The following ITSN2 variants were observed in gnomAD, a reference collection of about 807,000 sequenced individuals.
The protein encoded by ITSN2 is intersectin 2, also known as intersectin-2.
ITSN2 carries 156 observed loss-of-function variants against 243.7 expected under a neutral mutation model. That is an observed-to-expected ratio of 0.64 (90% CI 0.56 to 0.73). ITSN2 has a LOEUF of 0.73. ITSN2 is among the 30% of genes least tolerant of loss of function. The probability of loss-of-function intolerance (pLI) is 0.00; values close to 1 mark genes in which losing one functional copy is unlikely to be tolerated. For missense variants in ITSN2, 1,801 were observed against 1,996.1 expected, an observed-to-expected ratio of 0.90 and a Z score of 1.86; for synonymous variants, 703 against 699.9, an observed-to-expected ratio of 1.00 and a Z score of -0.07.
At chr2:24,298,892 A>C (rs1007679773) in intron 12 of ITSN2, 78 bp from the exon 13 acceptor site, 2 of 1,386,642 alleles carry the variant, frequency 1.4e-6, no homozygotes, top group African/African-American at 2.9e-5. Flanking sequence ...GACAACAATA[A>C]AAGTCAGGCA....
intron 20 of ITSN2, among the ~76,000 whole-genome samples, chr2:24,263,420 A>G (rs189262185): frequency 1.5e-3 from 221 of 152,280 alleles, no homozygotes; most frequent in Admixed American, 2.7e-3. Context: ...CTGCTTTCTC[A>G]GATATCATTA....
At chr2:24,268,079 C>T (rs2151437617) in intron 20 of ITSN2, among the ~76,000 whole-genome samples, 1 of 152,206 alleles carries the variant, frequency 6.6e-6, no homozygotes, top group African/African-American at 2.4e-5. Context: ...TCTCACAGGC[C>T]TAGCAAAACT....
In ITSN2 at chr2:24,261,650, C is replaced by T; in HGVS notation, c.2448G>A (p.Met816Ile). ...GWFPCNYVEK[M>I]PSSENEKAVS... Reference sequence around the variant, plus strand: ...CAGCTTTTTCATTTTCACTTGATGGCATTTTTTCTACATAATTGCATGGAA... The same window carrying T: ...CAGCTTTTTCATTTTCACTTGATGGTATTTTTTCTACATAATTGCATGGAA... Residue 816 changes from methionine (M) to isoleucine (I), a missense_variant, in exon 21 of 40, where the codon ATG becomes ATA. Met to Ile is a conservative substitution (Grantham distance 10, BLOSUM62 1). This residue lies in a region of ITSN2 where 928 missense variants were observed against 1,065.4 expected (regional missense o/e 0.87). Coordinates refer to ENST00000355123, the MANE Select transcript of ITSN2 (RefSeq NM_006277.3). The T allele has an allele frequency of 6.2e-7, 1 of 1,613,208 alleles. No homozygotes were observed. The highest frequency in any genetic ancestry group is 1.7e-4 in the Middle Eastern group (1 of 6,056).
intron 13 of ITSN2, among the ~76,000 whole-genome samples, chr2:24,296,196 C>T (rs748311875): frequency 6.6e-6 from 1 of 151,466 alleles, no homozygotes; most frequent in Non-Finnish European, 1.5e-5. Flanking sequence ...TATTTCTACC[C>T]TAAATATGGC....
intron 29 of ITSN2, among the ~76,000 whole-genome samples, chr2:24,222,735 C>T (rs1260773651): frequency 4.5e-5 from 6 of 132,052 alleles, no homozygotes; most frequent in Middle Eastern, 5.1e-3. Context: ...AGTGCAATGG[C>T]GCAAATCTCG....
At position 24,310,601 on chromosome 2, in the gene ITSN2, G is replaced by A; in HGVS notation, c.444C>T (p.Asn148=). 1.2e-6 allele frequency: 2 copies of A among 1,614,114 alleles called. No homozygotes were observed. Among genetic ancestry groups the A allele is most frequent in the Non-Finnish European group, 1.7e-6 (2 of 1,179,982 alleles). The change falls in exon 6 of 40, where the codon AAC becomes AAT. Residue 148 remains asparagine, a synonymous_variant. Transcript: ENST00000355123. The part of the protein sequence containing the change: ...TSLSSATSGT[N]LPPLMMPTPL... Reference sequence around the variant, plus strand: ...GAGTGGGCATCATTAAGGGAGGAAGGTTGGTCCCTGAAGTCGCAGAAGACA... The same window carrying A: ...GAGTGGGCATCATTAAGGGAGGAAGATTGGTCCCTGAAGTCGCAGAAGACA...
At position 24,225,916 on chromosome 2, in the gene ITSN2, C is replaced by G. The variant is rs1670987062; in HGVS notation, c.3578-4850G>C. 6.6e-6 allele frequency among the ~76,000 whole-genome samples: 1 copy of G among 152,064 alleles called. No homozygotes were observed. Among genetic ancestry groups the G allele is most frequent in the Non-Finnish European group, 1.5e-5 (1 of 68,024 alleles). On this transcript the variant is annotated intron_variant, in intron 29 of 39. Transcript: ENST00000355123. This position sits in a 1 kb window ranked among gnomAD's most constrained non-coding sequence, Gnocchi z 4.2. ...TTCGGGTTTTATGGATAGGATACAC[C>G]CCTTTGCCACTCTCTATACCTGCAT... is the stretch of plus-strand genomic sequence containing the variant.
intron 2 of ITSN2, among the ~76,000 whole-genome samples, chr2:24,323,465 A>G (rs751308062): frequency 5.9e-5 from 9 of 152,224 alleles, no homozygotes; most frequent in Non-Finnish European, 1.0e-4. Context: ...AAGTCACAGA[A>G]GCCAGACACC....
At chr2:24,287,762 A>G (rs578146228) in intron 15 of ITSN2, among the ~76,000 whole-genome samples, 1 of 152,142 alleles carries the variant, frequency 6.6e-6, no homozygotes, top group Non-Finnish European at 1.5e-5. Context: ...TTATATTTCA[A>G]TGTGGTTTAG....
chr2:24,302,722 G>C (rs1407872293), intron 9 of ITSN2, among the ~76,000 whole-genome samples: 1 of 152,106 alleles, frequency 6.6e-6, no homozygotes, highest in Non-Finnish European at 1.5e-5. Flanking sequence ...TGAGAAAGTG[G>C]CTTGTCTTAC....
At chr2:24,315,032 C>G (rs534378881) in intron 3 of ITSN2, 100 bp downstream of exon 3, 2 of 491,044 alleles carry the variant, frequency 4.1e-6, no homozygotes, top group Non-Finnish European at 3.7e-6. Flanking sequence ...TGAATTTTAT[C>G]GTTTATTAAC....
At chr2:24,335,875 T>A (rs1163935726) in intron 1 of ITSN2, among the ~76,000 whole-genome samples, 1 of 151,684 alleles carries the variant, frequency 6.6e-6, no homozygotes, top group Non-Finnish European at 1.5e-5. Flanking sequence ...TGACCTCAGG[T>A]GATCTGCCCG....
Position 24,271,812 on chromosome 2 carries a change from C to G in ITSN2, c.2211G>C (p.Glu737Asp). Residue 737 changes from glutamate (E) to aspartate (D), a missense_variant, in exon 19 of 40, where the codon GAG (glutamate) becomes GAC (aspartate). Glu to Asp is a conservative substitution (Grantham distance 45). This residue lies in a region of ITSN2 where 787 missense variants were observed against 803.9 expected (regional missense o/e 0.98). Transcript: ENST00000355123. ...AAGTATCCTTATCCTTACGTTGTTT[C>G]TCCTCAGCTTTCCGTTCCTCTTCTT... ...KIQEEERKAE[E>D]KQRKDKDTLK... 1 of 1,607,194 alleles carries G rather than the reference C, an allele frequency of 6.2e-7. No homozygotes were observed. Among genetic ancestry groups the G allele is most frequent in the South Asian group, 1.1e-5 (1 of 88,522 alleles).
intron 29 of ITSN2, among the ~76,000 whole-genome samples, chr2:24,227,163 G>C (rs1671108461): frequency 6.6e-6 from 1 of 151,922 alleles, no homozygotes; most frequent in African/African-American, 2.4e-5. Context: ...TTGGTCACTA[G>C]CTGGTGATAC....
chr2:24,258,155 G>A, intron 22 of ITSN2, 62 bp from the exon 23 acceptor site: 2 of 1,230,350 alleles, frequency 1.6e-6, no homozygotes, highest in Non-Finnish European at 2.4e-6. Flanking sequence ...TTCTGTTTCT[G>A]TGTATATAAC....
intron 2 of ITSN2, among the ~76,000 whole-genome samples, chr2:24,324,138 A>G (rs918069045): frequency 6.6e-6 from 1 of 152,210 alleles, no homozygotes. Flanking sequence ...AGGCTGAGGC[A>G]GGAGAACGGC....
intron 2 of ITSN2, among the ~76,000 whole-genome samples, chr2:24,320,748 A>C (rs1037748409): frequency 6.6e-6 from 1 of 151,696 alleles, no homozygotes; most frequent in South Asian, 2.1e-4. Flanking sequence ...AAAAAAAAAA[A>C]AACAAAAAAA....
chr2:24,310,885 T>A (rs1265647867), intron 5 of ITSN2, among the ~76,000 whole-genome samples, 193 bp from the exon 6 acceptor site: 3 of 152,154 alleles, frequency 2.0e-5, no homozygotes, highest in East Asian at 3.8e-4. Context: ...AATACTCTGA[T>A]CTGTATGAAC....
Position 24,231,556 on chromosome 2 carries a change from C to G in ITSN2, c.3578-10490G>C, listed in dbSNP as rs117223762. 2.2e-4 allele frequency among the ~76,000 whole-genome samples: 33 copies of G among 152,352 alleles called. 1 individual carries two copies. In the East Asian group the frequency reaches 6.4e-3, roughly 29 times the overall value. ...TGGGCTGGGCCACAAGACCCACCCC[C>G]ACACTGTGGGAGGATGTGGAGACTG... On this transcript the variant is annotated intron_variant, in intron 29 of 39. Transcript: ENST00000355123.
Sources: gnomAD v4.1 joint callset for allele counts (sites outside exome capture counted in the v4.1 genomes callset) on GRCh38, gnomAD v4.1.1 for gene constraint, gnomAD v4.1.1 regional missense constraint, Gnocchi (gnomAD v3.1) non-coding constraint, MANE v1.5 for transcripts, NCBI Gene and HGNC (gene_info 2026-07-23, HGNC 2026-07-21) for gene names.